Variants in CAPSL observed in about 807,000 individuals in gnomAD.
CAPSL encodes the protein calcyphosin-like protein.
Under a neutral mutation model 21.3 loss-of-function variants are expected in CAPSL, and 17 were observed. That is an observed-to-expected ratio of 0.80 (90% CI 0.55 to 1.20). CAPSL has a LOEUF of 1.20. Ranked by LOEUF, CAPSL falls within the 50% of genes most tolerant of loss-of-function variation. The pLI is 0.00. For missense variants in CAPSL, 289 were observed against 259.3 expected (o/e 1.11, Z -0.79); for synonymous variants, 102 against 89.3 (o/e 1.14, Z -0.80).
At chr5:35,919,191 A>ATATATATATATATATATATATAT (rs1561439733) in intron 2 of CAPSL, among the ~76,000 whole-genome samples, 1 of 107,478 alleles carries the variant, frequency 9.3e-6, no homozygotes, top group African/African-American at 3.2e-5. Context: ...ATATATATAT[A>ATATATATATATATATATATATAT]AAAATTGTGA....
At chr5:35,936,131 T>C (rs1049136735) in intron 1 of CAPSL, among the ~76,000 whole-genome samples, 2 of 151,858 alleles carry the variant, frequency 1.3e-5, no homozygotes, top group African/African-American at 4.8e-5. Context: ...CAGAAAAAAA[T>C]GGAACCACCA....
chr5:35,920,926 C>T, intron 2 of CAPSL, 58 bp downstream of exon 2: 4 of 1,580,752 alleles, frequency 2.5e-6, no homozygotes, highest in Non-Finnish European at 3.4e-6. Flanking sequence ...ACATTAGCCT[C>T]ACCTGGCAGA....
At chr5:35,909,715 G>T (rs559075091) in intron 4 of CAPSL, 151 bp downstream of exon 4, 2 of 678,626 alleles carry the variant, frequency 2.9e-6, no homozygotes, top group African/African-American at 1.8e-5. Flanking sequence ...TGGCAATGGA[G>T]AAGTTTCTAG....
At chr5:35,916,264 A>G (rs902066041) in intron 2 of CAPSL, among the ~76,000 whole-genome samples, 6 of 152,128 alleles carry the variant, frequency 3.9e-5, no homozygotes, top group Non-Finnish European at 7.4e-5. Context: ...GGAAGAATCA[A>G]TATCTTGAAA....
At chr5:35,907,174 T>A (rs1760696561) in intron 4 of CAPSL, among the ~76,000 whole-genome samples, 1 of 152,156 alleles carries the variant, frequency 6.6e-6, no homozygotes, top group Non-Finnish European at 1.5e-5. Context: ...ATATCATATA[T>A]ACAAGGAAAG....
At chr5:35,909,319 TA>T (rs1561435299) in intron 4 of CAPSL, among the ~76,000 whole-genome samples, 2 of 152,268 alleles carry the variant, frequency 1.3e-5, no homozygotes, top group East Asian at 3.9e-4. Context: ...TAAATCAGAG[TA>T]AATTCTGTTA....
intron 2 of CAPSL, 91 bp from the exon 3 acceptor site, chr5:35,910,634 G>A (rs541959655): frequency 1.1e-4 from 111 of 987,774 alleles, no homozygotes; most frequent in Middle Eastern, 1.0e-3. Flanking sequence ...TCAAGGTTTC[G>A]TCAAATTAAA....
At chr5:35,924,017 T>C (rs11949633) in intron 1 of CAPSL, among the ~76,000 whole-genome samples, 3,089 of 136,962 alleles carry the variant, frequency 0.023, 61 homozygotes, top group East Asian at 0.059. Context: ...TATCTGTCAA[T>C]TTAAAAAAAA....
In CAPSL at chr5:35,910,554, TACAC is replaced by T; in HGVS notation, c.138-15_138-12del. 1 of 1,568,374 alleles carries T rather than the reference TACAC, an allele frequency of 6.4e-7. No homozygotes were observed. The highest frequency in any genetic ancestry group is 1.4e-5 in the African/African-American group (1 of 73,634). On this transcript the variant is annotated splice_polypyrimidine_tract_variant and intron_variant, in intron 2 of 4. Coordinates refer to ENST00000651391, the MANE Select transcript of CAPSL (RefSeq NM_001042625.2). Reference sequence around the variant, plus strand: ...ATAATTCTAAACACTCTGAAGAAAATACACACAAAAATTCAGAAGAAATGTACAA... The same window carrying T: ...ATAATTCTAAACACTCTGAAGAAAATACAAAAATTCAGAAGAAATGTACAA...
chr5:35,925,945 G>C (rs1345882205), intron 1 of CAPSL, among the ~76,000 whole-genome samples: 3 of 151,946 alleles, frequency 2.0e-5, no homozygotes, highest in Non-Finnish European at 2.9e-5. Context: ...TCATGATGGC[G>C]GTTGCCTGTA....
chr5:35,929,275 G>C (rs1401124695), intron 1 of CAPSL, among the ~76,000 whole-genome samples: 7 of 128,440 alleles, frequency 5.5e-5, no homozygotes, highest in Admixed American at 2.0e-4. Context: ...GTTGAAAACA[G>C]TTCCTTTTTT....
chr5:35,917,109 G>GA (rs1325748477), intron 2 of CAPSL, among the ~76,000 whole-genome samples: 6 of 152,308 alleles, frequency 3.9e-5, no homozygotes, highest in Non-Finnish European at 7.4e-5. Flanking sequence ...AAAGACATAT[G>GA]AAAAAATGCT....
chr5:35,923,110 G>A (rs1738581198), intron 1 of CAPSL, among the ~76,000 whole-genome samples: 1 of 152,058 alleles, frequency 6.6e-6, no homozygotes, highest in African/African-American at 2.4e-5. Context: ...CATGATACTT[G>A]CCCAATGGCT....
intron 2 of CAPSL, among the ~76,000 whole-genome samples, chr5:35,911,996 C>T (rs1289994912): frequency 6.6e-6 from 1 of 152,166 alleles, no homozygotes; most frequent in Non-Finnish European, 1.5e-5. Context: ...CCTGGAAAAT[C>T]GGGTCAGTCC....
intron 2 of CAPSL, among the ~76,000 whole-genome samples, chr5:35,913,236 T>C (rs141769240): frequency 0.017 from 2,523 of 152,194 alleles, 63 homozygotes; most frequent in African/African-American, 0.048. Flanking sequence ...GTCTGATTGG[T>C]GTACCTGAAA....
intron 2 of CAPSL, among the ~76,000 whole-genome samples, chr5:35,920,061 G>A (rs1378781430): frequency 6.6e-6 from 1 of 152,160 alleles, no homozygotes; most frequent in East Asian, 1.9e-4. Flanking sequence ...GGCCACCAGG[G>A]TCCATATCCC....
intron 2 of CAPSL, among the ~76,000 whole-genome samples, chr5:35,914,623 G>T (rs1159885538): frequency 6.6e-6 from 1 of 151,966 alleles, no homozygotes. Flanking sequence ...GGTACATAAC[G>T]AAATGAAGGC....
chr5:35,915,844 T>A (rs1738371228), intron 2 of CAPSL, among the ~76,000 whole-genome samples: 2 of 152,158 alleles, frequency 1.3e-5, no homozygotes, highest in South Asian at 4.1e-4. Context: ...TTCAACATAG[T>A]GTTGGAAGTT....
chr5:35,912,152 G>A (rs1052778366), intron 2 of CAPSL, among the ~76,000 whole-genome samples: 11 of 152,138 alleles, frequency 7.2e-5, no homozygotes, highest in African/African-American at 2.7e-4. Context: ...AAGCAGCAGC[G>A]AGGCTGGGGG....
Sources: gnomAD v4.1 joint callset for allele counts (sites outside exome capture counted in the v4.1 genomes callset) on GRCh38, gnomAD v4.1.1 for gene constraint, MANE v1.5 for transcripts, NCBI Gene and HGNC (gene_info 2026-07-23, HGNC 2026-07-21) for gene names.